The following OSBPL1A variants were observed in gnomAD, a reference collection of about 807,000 sequenced individuals.
OSBPL1A encodes oxysterol-binding protein-related protein 1.
Under a neutral mutation model 137.1 loss-of-function variants are expected in OSBPL1A, and 80 were observed. The observed-to-expected ratio is 0.58, with a 90% CI of 0.49 to 0.70. OSBPL1A has a LOEUF of 0.70. Among genes scored for constraint, OSBPL1A ranks in the 30% least tolerant of loss-of-function variants. The pLI is 0.00. For missense variants in OSBPL1A, 970 were observed against 1,129.4 expected, an observed-to-expected ratio of 0.86 and a Z score of 2.02; for synonymous variants, 365 against 389.7, an observed-to-expected ratio of 0.94 and a Z score of 0.75.
At chr18:24,182,204 G>GC (rs2086624807) in intron 18 of OSBPL1A, among the ~76,000 whole-genome samples, 1 of 152,100 alleles carries the variant, frequency 6.6e-6, no homozygotes, top group Non-Finnish European at 1.5e-5. Context: ...AATTCTGTCT[G>GC]CCAGAATGCC....
At chr18:24,215,549 T>C (rs1051879665) in intron 17 of OSBPL1A, among the ~76,000 whole-genome samples, 2 of 152,192 alleles carry the variant, frequency 1.3e-5, no homozygotes, top group African/African-American at 4.8e-5. Context: ...TATTATTATA[T>C]ATGGTGTTTT....
chr18:24,183,467 T>C (rs1489643871), intron 18 of OSBPL1A, among the ~76,000 whole-genome samples: 1 of 150,900 alleles, frequency 6.6e-6, no homozygotes, highest in Non-Finnish European at 1.5e-5. Flanking sequence ...AGTTTTGCTC[T>C]TGTCGCCCAG....
In OSBPL1A at chr18:24,238,997, T is replaced by C. The variant is rs1379849517; in HGVS notation, c.1444+223A>G. On this transcript the variant is annotated intron_variant, in intron 16 of 27. Transcript: ENST00000319481. ...CCTAGCCTAGAATACATCTTCAGTA[T>C]AGGCAGAGACTGTGATGAATTTCAT... Among the ~76,000 whole-genome samples, 4 of 152,352 alleles carry C rather than the reference T, an allele frequency of 2.6e-5. No individual in the cohort carries two copies. The East Asian group carries it at 7.7e-4, about 29-fold the overall frequency.
At chr18:24,272,292 A>G in intron 15 of OSBPL1A, 1 of 980,534 alleles carries the variant, frequency 1.0e-6, no homozygotes, top group Non-Finnish European at 1.2e-6. Context: ...CCCTTGGGAA[A>G]CTCTGGAAAG....
rs764711197 is a variant in OSBPL1A at position 24,380,244 on chromosome 18, T to C, written c.-2-2709A>G. Among the ~76,000 whole-genome samples, 7 of 152,064 alleles carry C rather than the reference T, an allele frequency of 4.6e-5. No individual in the cohort carries two copies. The South Asian group carries it at 8.3e-4, about 18-fold the overall frequency. On this transcript the variant is annotated intron_variant, in intron 1 of 27. Transcript: ENST00000319481. The stretch of plus-strand genomic sequence containing the variant: ...ACACTTCTCAGGAAGCCACCAGGGG[T>C]GTAGCTCACCAAAATTAAAAAACCA...
intron 15 of OSBPL1A, among the ~76,000 whole-genome samples, chr18:24,280,501 C>A (rs1479773122): frequency 6.6e-6 from 1 of 152,196 alleles, no homozygotes; most frequent in Non-Finnish European, 1.5e-5. Context: ...TGATAGTACT[C>A]TATTTTCTAA....
In OSBPL1A at chr18:24,174,046, T is replaced by C. The variant is rs1255165530; in HGVS notation, c.2094-1563A>G. The stretch of plus-strand genomic sequence containing the variant: ...ATTTGTATAATGCACCTGAAATTCA[T>C]CTGTGTTGTTCTACGTATCAGTCTT... On this transcript the variant is annotated intron_variant, in intron 21 of 27. Coordinates refer to ENST00000319481, the MANE Select transcript of OSBPL1A (RefSeq NM_080597.4). Among the ~76,000 whole-genome samples the C allele has an allele frequency of 3.3e-5, 5 of 152,236 alleles. No individual in the cohort carries two copies. The East Asian group carries it at 9.6e-4, about 29-fold the overall frequency.
intron 18 of OSBPL1A, among the ~76,000 whole-genome samples, chr18:24,184,501 C>A (rs1156542099): frequency 1.3e-5 from 2 of 152,194 alleles, no homozygotes; most frequent in Non-Finnish European, 1.5e-5. Flanking sequence ...AGGCCCAGTT[C>A]AAGTCTTTCC....
At chr18:24,265,727 T>C (rs533598289) in intron 15 of OSBPL1A, among the ~76,000 whole-genome samples, 1 of 152,152 alleles carries the variant, frequency 6.6e-6, no homozygotes, top group Non-Finnish European at 1.5e-5. Flanking sequence ...CACCGGAGCA[T>C]AGCATCTCCC....
intron 15 of OSBPL1A, among the ~76,000 whole-genome samples, chr18:24,262,884 T>C (rs1174880153): frequency 3.3e-5 from 5 of 152,154 alleles, no homozygotes; most frequent in Non-Finnish European, 7.3e-5. Context: ...ATGCAGGGTG[T>C]GTACTCTTTT....
rs542095044 is a variant in OSBPL1A, at chr18:24,204,649, A to G, written c.1602-8449T>C. Among the ~76,000 whole-genome samples, 8 of 151,884 alleles carry G rather than the reference A, an allele frequency of 5.3e-5. No individual in the cohort carries two copies. The East Asian group carries it at 1.2e-3, about 22-fold the overall frequency. On this transcript the variant is annotated intron_variant, in intron 17 of 27. Coordinates refer to ENST00000319481, the MANE Select transcript of OSBPL1A (RefSeq NM_080597.4). ...CAAGTCCATAACTCTACATAAAGAT[A>G]GCTAGGTCTCTTTAAGGGGTATGTC...
chr18:24,196,087 T>C (rs780141914), intron 18 of OSBPL1A, 38 bp downstream of exon 18: 3 of 1,470,604 alleles, frequency 2.0e-6, no homozygotes, highest in Middle Eastern at 1.9e-4. Context: ...CGATTAAACA[T>C]ATCTGCTTAA....
At chr18:24,204,139 C>A (rs2145957368) in intron 17 of OSBPL1A, among the ~76,000 whole-genome samples, 1 of 152,306 alleles carries the variant, frequency 6.6e-6, no homozygotes, top group East Asian at 1.9e-4. Context: ...AAGCTTTTAA[C>A]AATTTCGTAT....
At chr18:24,346,920 T>TC (rs1180003418) in intron 4 of OSBPL1A, among the ~76,000 whole-genome samples, 1 of 150,938 alleles carries the variant, frequency 6.6e-6, no homozygotes, top group African/African-American at 2.4e-5. Context: ...TTTTTTTTTT[T>TC]TTCATTTTTT....
At chr18:24,195,169 G>A (rs529274690) in intron 18 of OSBPL1A, among the ~76,000 whole-genome samples, 86 of 152,012 alleles carry the variant, frequency 5.7e-4, no homozygotes, top group African/African-American at 1.9e-3. Flanking sequence ...GGTGTGGCAC[G>A]ACGCGCCTGT....
At chr18:24,249,176 A>G (rs895133036) in intron 15 of OSBPL1A, among the ~76,000 whole-genome samples, 2 of 152,350 alleles carry the variant, frequency 1.3e-5, no homozygotes, top group African/African-American at 4.8e-5. Flanking sequence ...GAAATTTAAA[A>G]TTTCCATTAC....
intron 4 of OSBPL1A, among the ~76,000 whole-genome samples, chr18:24,349,425 G>A (rs137960612): frequency 0.013 from 1,929 of 152,240 alleles, 14 homozygotes; most frequent in Non-Finnish European, 0.021. Context: ...ATTAAAAAAT[G>A]AACATCCGGT....
At chr18:24,254,897 C>T (rs931856359) in intron 15 of OSBPL1A, among the ~76,000 whole-genome samples, 1 of 151,732 alleles carries the variant, frequency 6.6e-6, no homozygotes, top group Non-Finnish European at 1.5e-5. Context: ...ATAGAAAGAT[C>T]AATGAAACAA....
chr18:24,163,271 G>C lies in OSBPL1A; in HGVS notation c.2761C>G (p.Gln921Glu). 1 of 1,606,496 alleles carries C rather than the reference G, an allele frequency of 6.2e-7. No homozygotes were observed. Among genetic ancestry groups the C allele is most frequent in the African/African-American group, 1.3e-5 (1 of 74,718 alleles). ...EEDWKTRWFH[Q>E]GPNPYNGAQD... ...GCTCCATTGTAGGGATTAGGACCTT[G>C]ATGGAACCACCTGTTAAAAGAAAAA... The change falls in exon 28 of 28, where the codon CAA becomes GAA. Residue 921 changes from glutamine to glutamate, a missense_variant. Gln to Glu is a conservative substitution (Grantham distance 29). Transcript: ENST00000319481.
Sources: allele counts gnomAD v4.1 joint callset (sites outside exome capture counted in the v4.1 genomes callset), GRCh38; gene constraint gnomAD v4.1.1; transcripts MANE v1.5; gene names NCBI Gene and HGNC (gene_info 2026-07-23, HGNC 2026-07-21).